Variants in KLF8 observed in about 807,000 individuals in gnomAD.
The protein encoded by KLF8 is KLF transcription factor 8, also known as Krueppel-like factor 8.
A neutral mutation model predicts 18.2 loss-of-function variants in KLF8; 10 were observed. The ratio of observed to expected loss-of-function variants is 0.55; its 90% CI spans 0.34 to 0.93. KLF8 has a LOEUF of 0.93. Among genes scored for constraint, KLF8 ranks in the 40% least tolerant of loss-of-function variants. The pLI, the probability that KLF8 is intolerant of heterozygous loss-of-function variation, is 0.02. For synonymous variants in KLF8, 109 were observed against 97.3 expected (o/e 1.12, Z -0.71); for missense variants, 264 against 277.9 (o/e 0.95, Z 0.36).
chrX:56,108,649 CT>C, the KLF8 span, among the ~76,000 whole-genome samples: 503 of 111,260 alleles, frequency 4.5e-3, 3 homozygotes, highest in African/African-American at 0.016. Flanking sequence ...ATATTTTGGT[CT>C]TTAAAATTTT....
chrX:56,072,158 G>C, the KLF8 span, among the ~76,000 whole-genome samples: 1 of 111,811 alleles, frequency 8.9e-6, no homozygotes, highest in Non-Finnish European at 1.9e-5. Flanking sequence ...TGAGTTAAAT[G>C]TAAGCTGCAA....
At chrX:56,158,953 C>T in the KLF8 span, among the ~76,000 whole-genome samples, 2 of 111,748 alleles carry the variant, frequency 1.8e-5, no homozygotes, top group East Asian at 2.8e-4. Context: ...GAGGGCATCC[C>T]TGTCTTGTGC....
the KLF8 span, among the ~76,000 whole-genome samples, chrX:56,111,153 G>T: frequency 8.9e-6 from 1 of 112,231 alleles, no homozygotes; most frequent in African/African-American, 3.2e-5. Flanking sequence ...TCAGCCTACT[G>T]CCTTCTAACT....
At chrX:55,949,333 CTGTGTGTGTGTGTG>C in the KLF8 span, among the ~76,000 whole-genome samples, 190 of 88,195 alleles carry the variant, frequency 2.2e-3, no homozygotes, top group African/African-American at 5.4e-3. Flanking sequence ...TTTTCATATG[CTGTGTGTGTGTGTG>C]TGTGTGTGTG....
At chrX:56,283,438 C>T (rs1037964143) in intron 5 of KLF8, among the ~76,000 whole-genome samples, 1 of 111,821 alleles carries the variant, frequency 8.9e-6, no homozygotes, top group Non-Finnish European at 1.9e-5. Flanking sequence ...GTGGCGCAAT[C>T]TCGGCTCACT....
chrX:55,986,563 CT>C, the KLF8 span, among the ~76,000 whole-genome samples: 1 of 112,139 alleles, frequency 8.9e-6, no homozygotes, highest in South Asian at 3.7e-4. Context: ...GTTTAATTCA[CT>C]TGCAACTTTC....
chrX:55,952,910 C>A, the KLF8 span, among the ~76,000 whole-genome samples: 1 of 111,691 alleles, frequency 9.0e-6, no homozygotes, highest in African/African-American at 3.3e-5. Flanking sequence ...TTATTAATAT[C>A]CCCATATTTT....
chrX:56,070,172 G>A, the KLF8 span, among the ~76,000 whole-genome samples: 635 of 111,184 alleles, frequency 5.7e-3, 1 homozygote, highest in Non-Finnish European at 8.7e-3. Context: ...AACACAGCAT[G>A]TTCTCACTCA....
the KLF8 span, among the ~76,000 whole-genome samples, chrX:56,042,319 C>G: frequency 2.7e-5 from 3 of 111,565 alleles, no homozygotes; most frequent in East Asian, 8.4e-4. Context: ...TTAGTAAGTG[C>G]CATGTAGCAA....
At chrX:56,122,134 G>T in the KLF8 span, among the ~76,000 whole-genome samples, 1 of 111,476 alleles carries the variant, frequency 9.0e-6, no homozygotes, top group African/African-American at 3.3e-5. Flanking sequence ...CCTGCCTTGT[G>T]GTATGGGCTG....
the KLF8 span, among the ~76,000 whole-genome samples, chrX:55,931,614 T>A: frequency 8.9e-6 from 1 of 111,906 alleles, no homozygotes; most frequent in Admixed American, 9.5e-5. Context: ...ATTTTTGACT[T>A]AATTTTGTTA....
At chrX:55,951,479 A>C in the KLF8 span, among the ~76,000 whole-genome samples, 1 of 95,052 alleles carries the variant, frequency 1.1e-5, no homozygotes, top group South Asian at 4.4e-4. Context: ...ACTCCGTCTC[A>C]AAAAAAAAAA....
At chrX:56,129,579 G>A in the KLF8 span, among the ~76,000 whole-genome samples, 1 of 111,522 alleles carries the variant, frequency 9.0e-6, no homozygotes, top group Non-Finnish European at 1.9e-5. Context: ...TCCTGTGGGA[G>A]GGCTGCCAGA....
chrX:56,160,349 G>T, the KLF8 span, among the ~76,000 whole-genome samples: 1 of 111,742 alleles, frequency 8.9e-6, no homozygotes, highest in Non-Finnish European at 1.9e-5. Context: ...GTGGTGCTGA[G>T]AAGAATGTAT....
the KLF8 span, among the ~76,000 whole-genome samples, chrX:56,222,161 C>T: frequency 9.0e-6 from 1 of 110,876 alleles, no homozygotes; most frequent in Non-Finnish European, 1.9e-5. Context: ...TATTTACAAT[C>T]CCTTAGCTAG....
At chrX:56,182,385 G>T in the KLF8 span, among the ~76,000 whole-genome samples, 1 of 111,964 alleles carries the variant, frequency 8.9e-6, no homozygotes, top group East Asian at 2.8e-4. Context: ...AAGGATTTTA[G>T]CTTCTTAGTC....
At chrX:56,205,710 GA>G in the KLF8 span, among the ~76,000 whole-genome samples, 1 of 111,509 alleles carries the variant, frequency 9.0e-6, no homozygotes, top group East Asian at 2.8e-4. Flanking sequence ...TATTTTTTCT[GA>G]ATAATTTGAG....
the KLF8 span, among the ~76,000 whole-genome samples, chrX:56,188,957 TG>T: frequency 9.0e-6 from 1 of 111,708 alleles, no homozygotes; most frequent in African/African-American, 3.3e-5. Flanking sequence ...GACATAGGCA[TG>T]GGCAAGGACT....
chrX:56,160,942 C>T, the KLF8 span, among the ~76,000 whole-genome samples: 1 of 111,047 alleles, frequency 9.0e-6, no homozygotes, highest in Non-Finnish European at 1.9e-5. Context: ...ATGATGTTAG[C>T]TGGTTATTTT....
Sources: gnomAD v4.1 joint callset for allele counts (sites outside exome capture counted in the v4.1 genomes callset) on GRCh38, gnomAD v4.1.1 for gene constraint, MANE v1.5 for transcripts, NCBI Gene and HGNC (gene_info 2026-07-23, HGNC 2026-07-21) for gene names.